The following ITPK1 variants were observed in gnomAD, a reference collection of about 807,000 sequenced individuals.
ITPK1 encodes inositol 1,3,4-trisphosphate 5/6-kinase.
ITPK1 carries 21 observed loss-of-function variants against 45.3 expected under a neutral mutation model. That is an observed-to-expected ratio of 0.46 (90% CI 0.33 to 0.67). ITPK1 has a LOEUF of 0.67. ITPK1 is among the 30% of genes least tolerant of loss of function. The pLI is 0.02. For synonymous variants in ITPK1, 258 were observed against 253.6 expected, an observed-to-expected ratio of 1.02 and a Z score of -0.16; for missense variants, 474 against 573.5, an observed-to-expected ratio of 0.83 and a Z score of 1.77.
chr14:93,023,045 T>TAA (rs1308784501), intron 3 of ITPK1, among the ~76,000 whole-genome samples: 1 of 152,074 alleles, frequency 6.6e-6, no homozygotes, highest in Non-Finnish European at 1.5e-5. Flanking sequence ...GCTTGTTTGT[T>TAA]TGTTTGTTTT....
rs1243444594 is a variant in ITPK1, at chr14:92,938,454, T to G, written c.*3107A>C. The G allele has an allele frequency of 6.3e-7, 1 of 1,598,528 alleles. No individual in the cohort carries two copies. Among genetic ancestry groups the G allele is most frequent in the African/African-American group, 1.3e-5 (1 of 74,580 alleles). On this transcript the variant is annotated 3_prime_UTR_variant, in exon 11 of 11. Transcript: ENST00000267615. The stretch of plus-strand genomic sequence containing the variant: ...GGCAGGCAACAGCTGCTTTGCTCAG[T>G]TGGCTCAAACATGTGACAGCTTCCT...
chr14:93,061,556 G>A (rs1026643605), intron 3 of ITPK1, among the ~76,000 whole-genome samples: 13 of 152,212 alleles, frequency 8.5e-5, no homozygotes, highest in African/African-American at 1.9e-4. Context: ...TGCTGTATGC[G>A]TGCCTGGTGC....
At position 93,031,718 on chromosome 14, in the gene ITPK1, A is replaced by G. The variant is rs377572404; in HGVS notation, c.121-14917T>C. 7.2e-5 allele frequency among the ~76,000 whole-genome samples: 11 copies of G among 152,244 alleles called. No homozygotes were observed. In the East Asian group the frequency reaches 2.1e-3, roughly 29 times the overall value. On this transcript the variant is annotated intron_variant, in intron 3 of 10. Coordinates refer to ENST00000267615, the MANE Select transcript of ITPK1 (RefSeq NM_014216.6). ...CATCCCCAAGTGGGATTCCGACTTC[A>G]TGTCCCCAGACTCCTCCCTTCCACA... is the stretch of plus-strand genomic sequence containing the variant.
chr14:93,016,650 C>G lies in ITPK1; in HGVS notation c.246+26G>C. On this transcript the variant is annotated intron_variant, in intron 4 of 10. Transcript: ENST00000267615. The surrounding 1 kb of genome is among the most constrained non-coding windows in gnomAD (Gnocchi z 5.0). ...CCTCCTCCTCCTGAAAATGCCACAG[C>G]CAAGGGCTGCATGGTCCTCACTCAC... 9 of 1,611,716 alleles carry G rather than the reference C, an allele frequency of 5.6e-6. 1 individual carries two copies. The highest frequency in any genetic ancestry group is 7.6e-6 in the Non-Finnish European group (9 of 1,178,354).
Position 92,938,724 on chromosome 14 carries a change from G to T in ITPK1, c.*2837C>A. On this transcript the variant is annotated 3_prime_UTR_variant, in exon 11 of 11. Transcript: ENST00000267615. ...ACCCAGACACCTCCATGACACCAAG[G>T]GCAAAGCACCAGTTCCAGGGTGGCC... 1 of 603,252 alleles carries T rather than the reference G, an allele frequency of 1.7e-6. No individual in the cohort carries two copies. The highest frequency in any genetic ancestry group is 3.0e-6 in the Non-Finnish European group (1 of 338,394). 37.4% of individuals were successfully genotyped at this position (603,252 alleles called of 1,614,324 possible). A position where few individuals can be genotyped will look rare whatever the true frequency, so the allele number is the denominator to read the frequency against.
chr14:92,943,475 G>A (rs1411757415), intron 10 of ITPK1, among the ~76,000 whole-genome samples: 1 of 152,214 alleles, frequency 6.6e-6, no homozygotes, highest in East Asian at 1.9e-4. Context: ...GTGTCCGTCG[G>A]CCCTGGGCTA....
At chr14:93,065,989 T>C (rs1890727639) in intron 3 of ITPK1, among the ~76,000 whole-genome samples, 1 of 152,230 alleles carries the variant, frequency 6.6e-6, no homozygotes, top group South Asian at 2.1e-4. Flanking sequence ...AAAAGGAGCA[T>C]ATTTTATGTA....
chr14:93,107,064 TCTC>T (rs1421980400), intron 2 of ITPK1, among the ~76,000 whole-genome samples: 3 of 151,964 alleles, frequency 2.0e-5, no homozygotes, highest in African/African-American at 7.3e-5. Context: ...CTCAAGCAAT[TCTC>T]CTGCCTCAGC....
intron 3 of ITPK1, among the ~76,000 whole-genome samples, chr14:93,047,733 A>G (rs1161208948): frequency 8.5e-5 from 13 of 152,304 alleles, no homozygotes; most frequent in Admixed American, 5.2e-4. Flanking sequence ...GTTTGCAGTG[A>G]CCTGTTATGG....
chr14:92,999,369 G>A (rs929892409), intron 4 of ITPK1, among the ~76,000 whole-genome samples: 7 of 152,244 alleles, frequency 4.6e-5, no homozygotes, highest in Admixed American at 1.3e-4. Context: ...CCCGGGCTCC[G>A]GCCCTGCCCG....
rs567332338 is a variant in ITPK1 at position 93,014,193 on chromosome 14, C to T, written c.246+2483G>A. Among the ~76,000 whole-genome samples the T allele has an allele frequency of 1.8e-3, 272 of 152,342 alleles. No individual in the cohort carries two copies. Among genetic ancestry groups the T allele is most frequent in the Non-Finnish European group, 3.1e-3 (209 of 68,034 alleles). Reference sequence around the variant, plus strand: ...CGGCAACCATCCCCCAAGACCCAGACAAGACACTGCCTGAGAAATGCACCT... The same window carrying T: ...CGGCAACCATCCCCCAAGACCCAGATAAGACACTGCCTGAGAAATGCACCT... On this transcript the variant is annotated intron_variant, in intron 4 of 10. Coordinates refer to ENST00000267615, the MANE Select transcript of ITPK1 (RefSeq NM_014216.6). The surrounding 1 kb of genome is among the most constrained non-coding windows in gnomAD (Gnocchi z 4.4).
At chr14:92,976,217 A>T (rs1021229974) in intron 5 of ITPK1, among the ~76,000 whole-genome samples, 1 of 152,238 alleles carries the variant, frequency 6.6e-6, no homozygotes, top group African/African-American at 2.4e-5. Flanking sequence ...GTTAGCAGAT[A>T]GCAGATTGTG....
At position 93,110,999 on chromosome 14, in the gene ITPK1, T is replaced by A. The variant is rs887125958; in HGVS notation, c.95+4070A>T. 7.5e-4 allele frequency among the ~76,000 whole-genome samples: 113 copies of A among 150,590 alleles called. 1 individual carries two copies. Among genetic ancestry groups the A allele is most frequent in the Non-Finnish European group, 1.3e-4 (9 of 67,166 alleles). On this transcript the variant is annotated intron_variant, in intron 2 of 10. Coordinates refer to ENST00000267615, the MANE Select transcript of ITPK1 (RefSeq NM_014216.6). ...CTCATCCCTCCATCCCAACGAGGGA[T>A]GTCCTCATCCCTCATCCCTCATCCC...
At chr14:93,087,071 T>C (rs899892578) in intron 2 of ITPK1, among the ~76,000 whole-genome samples, 1 of 152,248 alleles carries the variant, frequency 6.6e-6, no homozygotes, top group African/African-American at 2.4e-5. Flanking sequence ...TTCCCATTGC[T>C]GCTGTAACAA....
chr14:93,001,737 T>C (rs1887365080), intron 4 of ITPK1, among the ~76,000 whole-genome samples: 1 of 152,144 alleles, frequency 6.6e-6, no homozygotes, highest in Non-Finnish European at 1.5e-5. Context: ...GGGGCTTTCA[T>C]GGGAAAGGAA....
In ITPK1 at chr14:92,958,389, G is replaced by C; in HGVS notation, c.505-23C>G. The C allele has an allele frequency of 1.2e-6, 2 of 1,613,168 alleles. No individual in the cohort carries two copies. Among genetic ancestry groups the C allele is most frequent in the Non-Finnish European group, 1.7e-6 (2 of 1,179,422 alleles). ...CATCTGGGAAGACAAGGGGTCAAAAGCTCTGTCAGAATCCACCACCTTCTC... is the reference window on the plus strand; with the variant it reads ...CATCTGGGAAGACAAGGGGTCAAAACCTCTGTCAGAATCCACCACCTTCTC... On this transcript the variant is annotated intron_variant, in intron 7 of 10. Coordinates refer to ENST00000267615, the MANE Select transcript of ITPK1 (RefSeq NM_014216.6). This position sits in a 1 kb window ranked among gnomAD's most constrained non-coding sequence, Gnocchi z 4.4.
chr14:92,951,837 A>T, intron 9 of ITPK1, 109 bp downstream of exon 9: 1 of 845,984 alleles, frequency 1.2e-6, no homozygotes, highest in Non-Finnish European at 1.9e-6. Context: ...CGTCCTTCCC[A>T]CCCTACCCTG....
intron 5 of ITPK1, among the ~76,000 whole-genome samples, chr14:92,990,356 G>A (rs1202847737): frequency 6.6e-6 from 1 of 151,012 alleles, no homozygotes. Flanking sequence ...AGGACCAGAT[G>A]GGCAGACCAC....
intron 3 of ITPK1, among the ~76,000 whole-genome samples, chr14:93,065,275 C>T (rs898455134): frequency 5.9e-5 from 9 of 152,138 alleles, no homozygotes; most frequent in African/African-American, 1.9e-4. Context: ...ATAAATCAAA[C>T]AGAAGAGATC....
Sources: gnomAD v4.1 joint callset for allele counts (sites outside exome capture counted in the v4.1 genomes callset) on GRCh38, gnomAD v4.1.1 for gene constraint, Gnocchi (gnomAD v3.1) non-coding constraint, MANE v1.5 for transcripts, NCBI Gene and HGNC (gene_info 2026-07-23, HGNC 2026-07-21) for gene names.